Variants in KCNT2 observed in about 807,000 individuals in gnomAD.
The protein encoded by KCNT2 is potassium channel subfamily T member 2.
Under a neutral mutation model 153.8 loss-of-function variants are expected in KCNT2, and 67 were observed. That is an observed-to-expected ratio of 0.44 (90% CI 0.36 to 0.53). The LOEUF is 0.53. Among genes scored for constraint, KCNT2 ranks in the 20% least tolerant of loss-of-function variants. The pLI is 0.00. For synonymous variants in KCNT2, 500 were observed against 458.8 expected (o/e 1.09, Z -1.15); for missense variants, 975 against 1,354.8 (o/e 0.72, Z 4.40).
At chr1:196,349,141 T>C (rs1372699030) in intron 14 of KCNT2, among the ~76,000 whole-genome samples, 1 of 152,104 alleles carries the variant, frequency 6.6e-6, no homozygotes, top group Non-Finnish European at 1.5e-5. Context: ...AACAAATGTC[T>C]TAATGGAAAA....
chr1:196,537,958 G>A (rs1655815848), intron 1 of KCNT2, among the ~76,000 whole-genome samples: 1 of 152,156 alleles, frequency 6.6e-6, no homozygotes, highest in Non-Finnish European at 1.5e-5. Flanking sequence ...TGGGCCTCCA[G>A]GTGCCCTGCC....
intron 26 of KCNT2, among the ~76,000 whole-genome samples, chr1:196,237,643 GT>G (rs1407675414): frequency 6.6e-6 from 1 of 151,668 alleles, no homozygotes; most frequent in Admixed American, 6.6e-5. Context: ...TATAACTAAT[GT>G]TTTTTAGAAT....
chr1:196,493,392 T>C (rs777932355), intron 1 of KCNT2, among the ~76,000 whole-genome samples: 5 of 150,936 alleles, frequency 3.3e-5, no homozygotes, highest in East Asian at 1.9e-4. Flanking sequence ...TAGAGAAAAC[T>C]AGGAGAAAAA....
At position 196,363,824 on chromosome 1, in the gene KCNT2, G is replaced by T. The variant is rs140167275; in HGVS notation, c.1403+9316C>A. Among the ~76,000 whole-genome samples, 970 of 152,250 alleles carry T rather than the reference G, an allele frequency of 6.4e-3. 7 individuals carry two copies. Among genetic ancestry groups the T allele is most frequent in the Middle Eastern group, 0.017 (5 of 294 alleles). ...AACACAAATTTACTAAGACATGTTT[G>T]CTCATTGCTACTGAGATGTCATTGC... On this transcript the variant is annotated intron_variant, in intron 14 of 27. Transcript: ENST00000294725.
At chr1:196,331,809 A>C (rs1054425673) in intron 17 of KCNT2, among the ~76,000 whole-genome samples, 2 of 152,158 alleles carry the variant, frequency 1.3e-5, no homozygotes, top group Admixed American at 6.6e-5. Flanking sequence ...TGCTCTATCA[A>C]TATTCATTAG....
At chr1:196,333,436 G>T (rs1042193343) in intron 17 of KCNT2, among the ~76,000 whole-genome samples, 1 of 152,018 alleles carries the variant, frequency 6.6e-6, no homozygotes, top group Non-Finnish European at 1.5e-5. Flanking sequence ...AATGGAAGGG[G>T]CTGTGTTTTC....
chr1:196,303,864 G>A (rs1048195001), intron 22 of KCNT2, among the ~76,000 whole-genome samples: 14 of 152,128 alleles, frequency 9.2e-5, no homozygotes, highest in African/African-American at 3.1e-4. Flanking sequence ...ACTACATCAT[G>A]CCAGCACGGA....
intron 4 of KCNT2, among the ~76,000 whole-genome samples, chr1:196,479,966 T>C (rs538465245): frequency 6.6e-6 from 1 of 152,364 alleles, no homozygotes; most frequent in East Asian, 1.9e-4. Context: ...CAGATTTTAT[T>C]TGAATGAATT....
intron 8 of KCNT2, among the ~76,000 whole-genome samples, chr1:196,435,139 GTATATATATA>G (rs1166021273): frequency 2.1e-3 from 96 of 45,724 alleles, no homozygotes; most frequent in African/African-American, 5.4e-3. Flanking sequence ...GTGTGTGTAT[GTATATATATA>G]TATATATATA....
intron 25 of KCNT2, among the ~76,000 whole-genome samples, chr1:196,276,084 T>C (rs1320554059): frequency 6.6e-6 from 1 of 152,010 alleles, no homozygotes; most frequent in African/African-American, 2.4e-5. Flanking sequence ...GATTATTATT[T>C]CATGTTTTTT....
At chr1:196,402,981 T>C (rs192728294) in intron 12 of KCNT2, among the ~76,000 whole-genome samples, 9 of 151,746 alleles carry the variant, frequency 5.9e-5, no homozygotes, top group African/African-American at 1.2e-4. Flanking sequence ...TGCAAAATGA[T>C]ACATCAAATT....
chr1:196,560,299 C>T (rs1273984463), intron 1 of KCNT2, among the ~76,000 whole-genome samples: 1 of 151,874 alleles, frequency 6.6e-6, no homozygotes, highest in Admixed American at 6.6e-5. Flanking sequence ...TAATCTTTCA[C>T]TCAAACAATG....
intron 7 of KCNT2, among the ~76,000 whole-genome samples, chr1:196,466,084 G>A (rs1474926945): frequency 2.0e-5 from 3 of 151,880 alleles, no homozygotes; most frequent in African/African-American, 4.8e-5. Flanking sequence ...AGCATCTGGC[G>A]AAAAGAGATA....
At chr1:196,454,373 T>TC (rs1676477482) in intron 8 of KCNT2, among the ~76,000 whole-genome samples, 1 of 151,878 alleles carries the variant, frequency 6.6e-6, no homozygotes, top group Admixed American at 6.6e-5. Context: ...TTGCCCTCCT[T>TC]CCCCTCTTTC....
chr1:196,403,355 A>T (rs968535107), intron 12 of KCNT2, among the ~76,000 whole-genome samples: 1 of 151,692 alleles, frequency 6.6e-6, no homozygotes, highest in African/African-American at 2.4e-5. Flanking sequence ...ATGCAAAATT[A>T]TGGAGATAGT....
intron 8 of KCNT2, among the ~76,000 whole-genome samples, chr1:196,430,607 T>A (rs1243765455): frequency 6.6e-6 from 1 of 152,056 alleles, no homozygotes; most frequent in Non-Finnish European, 1.5e-5. Flanking sequence ...CAGGTATTAT[T>A]TTATGGCAGC....
chr1:196,546,553 C>T (rs373793062), intron 1 of KCNT2, among the ~76,000 whole-genome samples: 3 of 152,106 alleles, frequency 2.0e-5, no homozygotes, highest in East Asian at 3.9e-4. Flanking sequence ...CAGAACATGC[C>T]TTAGTCTTGT....
In KCNT2 at chr1:196,350,175, A is replaced by C. The variant is rs184928379; in HGVS notation, c.1404-7947T>G. 2.6e-5 allele frequency among the ~76,000 whole-genome samples: 4 copies of C among 152,256 alleles called. No individual in the cohort carries two copies. The East Asian group carries it at 7.7e-4, about 29-fold the overall frequency. ...AGAGCCGCAATAAACATACGTGTGC[A>C]TGTGTCTTTATAGCAGCATGATTTA... On this transcript the variant is annotated intron_variant, in intron 14 of 27. Transcript: ENST00000294725.
At chr1:196,490,489 TA>T (rs1325566709) in intron 2 of KCNT2, among the ~76,000 whole-genome samples, 5 of 147,950 alleles carry the variant, frequency 3.4e-5, no homozygotes, top group Non-Finnish European at 7.5e-5. Flanking sequence ...CATTATATAA[TA>T]ATATATATTA....
Sources: gnomAD v4.1 joint callset for allele counts (sites outside exome capture counted in the v4.1 genomes callset) on GRCh38, gnomAD v4.1.1 for gene constraint, MANE v1.5 for transcripts, NCBI Gene and HGNC (gene_info 2026-07-23, HGNC 2026-07-21) for gene names.